MYO1D: variants seen among roughly 807,000 people sequenced by gnomAD.
MYO1D encodes the protein myosin ID, also known as unconventional myosin-Id.
Under a neutral mutation model 122.0 loss-of-function variants are expected in MYO1D, and 83 were observed. The ratio of observed to expected loss-of-function variants is 0.68; its 90% CI spans 0.57 to 0.82. The LOEUF is 0.82. Ranked by LOEUF, MYO1D falls within the 40% of genes least tolerant of loss-of-function variation. MYO1D has a pLI of 0.00. For synonymous variants in MYO1D, 464 were observed against 446.9 expected (o/e 1.04, Z -0.48); for missense variants, 1,157 against 1,269.5 (o/e 0.91, Z 1.35).
chr17:32,813,538 G>A (rs865972399), intron 1 of MYO1D, among the ~76,000 whole-genome samples: 1 of 152,130 alleles, frequency 6.6e-6, no homozygotes, highest in Admixed American at 6.5e-5. Flanking sequence ...GGAGATCTCA[G>A]CAGGAACAGA....
chr17:32,605,303 T>C, intron 20 of MYO1D, 62 bp from the exon 21 acceptor site: 1 of 1,459,288 alleles, frequency 6.9e-7, no homozygotes, highest in South Asian at 1.5e-5. Context: ...AATTAAAAAA[T>C]ACATTTTGGA....
At chr17:32,594,703 G>A (rs1447659196) in intron 21 of MYO1D, 1 of 409,930 alleles carries the variant, frequency 2.4e-6, no homozygotes, top group African/African-American at 2.0e-5. Context: ...ATTCAGTTCT[G>A]ATGTTCTTAC....
chr17:32,564,840 C>T (rs754332014), intron 21 of MYO1D, among the ~76,000 whole-genome samples: 7 of 152,152 alleles, frequency 4.6e-5, no homozygotes, highest in Non-Finnish European at 8.8e-5. Context: ...TCAGGCCTGT[C>T]TGCATTTTGT....
chr17:32,638,885 C>A (rs761815623), intron 19 of MYO1D, 50 bp from the exon 20 acceptor site: 7 of 1,289,072 alleles, frequency 5.4e-6, no homozygotes, highest in South Asian at 1.2e-5. Flanking sequence ...ATAAGGAAAT[C>A]AAGTTGGCTG....
chr17:32,837,675 G>A (rs1567665935), intron 1 of MYO1D, among the ~76,000 whole-genome samples: 1 of 152,022 alleles, frequency 6.6e-6, no homozygotes, highest in African/African-American at 2.4e-5. Flanking sequence ...AGCCAAACTG[G>A]TTCAGAAAAA....
At position 32,720,952 on chromosome 17, in the gene MYO1D, G is replaced by A. The variant is rs2089502447; in HGVS notation, c.1913+71C>T. ...ATTTATAGATTGCCTAATATGTGCT[G>A]ATGCACTATTGTACGGGGAGGACTC... On this transcript the variant is annotated intron_variant, in intron 15 of 21. Coordinates refer to ENST00000318217, the MANE Select transcript of MYO1D (RefSeq NM_015194.3). The A allele has an allele frequency of 2.1e-6, 3 of 1,427,592 alleles. No homozygotes were observed. The Admixed American group carries it at 7.1e-5, about 34-fold the overall frequency. 88.4% of individuals were successfully genotyped at this position (1,427,592 alleles called of 1,614,324 possible). A position where few individuals can be genotyped will look rare whatever the true frequency, so the allele number is the denominator to read the frequency against.
At chr17:32,545,531 ACACT>A (rs1337418146) in intron 21 of MYO1D, among the ~76,000 whole-genome samples, 9 of 152,198 alleles carry the variant, frequency 5.9e-5, no homozygotes, top group South Asian at 4.1e-4. Context: ...TATTAGGAAG[ACACT>A]CACAGAGAAT....
intron 1 of MYO1D, among the ~76,000 whole-genome samples, chr17:32,801,439 A>G (rs1461404143): frequency 6.6e-6 from 1 of 152,220 alleles, no homozygotes. Context: ...CCACTGGTGC[A>G]GCTGGGTTGT....
intron 16 of MYO1D, among the ~76,000 whole-genome samples, chr17:32,674,415 A>G (rs2088773900): frequency 6.6e-6 from 1 of 152,202 alleles, no homozygotes; most frequent in African/African-American, 2.4e-5. Flanking sequence ...TAAACACTAT[A>G]TTTGATTTTC....
chr17:32,566,947 G>T (rs2087179836), intron 21 of MYO1D, among the ~76,000 whole-genome samples: 1 of 150,698 alleles, frequency 6.6e-6, no homozygotes, highest in African/African-American at 2.5e-5. Flanking sequence ...GGGAGCGGCA[G>T]AGCTGGGACT....
At chr17:32,557,431 G>A (rs1430469271) in intron 21 of MYO1D, among the ~76,000 whole-genome samples, 2 of 152,050 alleles carry the variant, frequency 1.3e-5, no homozygotes, top group African/African-American at 4.8e-5. Flanking sequence ...AGTAAAGGTG[G>A]CCAAACTGGG....
intron 21 of MYO1D, 30 bp downstream of exon 21, chr17:32,605,056 AC>A (rs762636303): frequency 6.5e-7 from 1 of 1,536,680 alleles, no homozygotes; most frequent in African/African-American, 1.4e-5. Flanking sequence ...TAGATTTAAA[AC>A]GTGTCTTAGT....
At chr17:32,844,362 TTA>T (rs1411147396) in intron 1 of MYO1D, among the ~76,000 whole-genome samples, 1 of 142,868 alleles carries the variant, frequency 7.0e-6, no homozygotes, top group African/African-American at 2.7e-5. Context: ...TGTATATATA[TTA>T]TATATAGTAT....
intron 1 of MYO1D, among the ~76,000 whole-genome samples, chr17:32,809,803 T>C (rs1411222007): frequency 6.6e-6 from 1 of 152,238 alleles, no homozygotes; most frequent in Admixed American, 6.5e-5. Flanking sequence ...TAATAGCAAC[T>C]GCTAATACTT....
At chr17:32,682,888 A>G (rs1198152821) in intron 16 of MYO1D, among the ~76,000 whole-genome samples, 1 of 95,794 alleles carries the variant, frequency 1.0e-5, no homozygotes, top group African/African-American at 5.1e-5. Context: ...AGGTACACCA[A>G]TCAGACGTAG....
chr17:32,874,710 G>C (rs1319423537), intron 1 of MYO1D, among the ~76,000 whole-genome samples: 2 of 152,040 alleles, frequency 1.3e-5, no homozygotes, highest in African/African-American at 4.8e-5. Flanking sequence ...ATTGCTTGAG[G>C]CCAGGAATTC....
chr17:32,671,238 G>A (rs2088716154), intron 16 of MYO1D, among the ~76,000 whole-genome samples: 1 of 152,220 alleles, frequency 6.6e-6, no homozygotes, highest in Non-Finnish European at 1.5e-5. Context: ...GTTTGGTCAT[G>A]GACCCTGCAT....
chr17:32,757,506 T>C (rs112106839), intron 10 of MYO1D, among the ~76,000 whole-genome samples: 10 of 151,602 alleles, frequency 6.6e-5, no homozygotes, highest in African/African-American at 2.4e-4. Context: ...GGTCTAAATA[T>C]TTACTTTCAT....
chr17:32,602,947 G>T (rs1466677725), intron 21 of MYO1D, among the ~76,000 whole-genome samples: 1 of 152,002 alleles, frequency 6.6e-6, no homozygotes. Context: ...AAAGTAAATA[G>T]TAAGTTGATG....
Sources: allele counts gnomAD v4.1 joint callset (sites outside exome capture counted in the v4.1 genomes callset), GRCh38; gene constraint gnomAD v4.1.1; transcripts MANE v1.5; gene names NCBI Gene and HGNC (gene_info 2026-07-23, HGNC 2026-07-21).